SGCD: variants seen among roughly 807,000 people sequenced by gnomAD.
The protein encoded by SGCD is sarcoglycan delta.
Under a neutral mutation model 36.6 loss-of-function variants are expected in SGCD, and 18 were observed. The observed-to-expected ratio is 0.49, with a 90% CI of 0.34 to 0.73. The LOEUF (loss-of-function observed/expected upper bound fraction) is 0.73, where lower values mean the gene tolerates loss of function less well. SGCD is among the 30% of genes least tolerant of loss of function. SGCD has a pLI of 0.01. For missense variants in SGCD, 387 were observed against 346.7 expected (o/e 1.12, Z -0.92); for synonymous variants, 133 against 130.6 (o/e 1.02, Z -0.12).
intron 1 of SGCD, among the ~76,000 whole-genome samples, chr5:155,940,141 T>C (rs1229221972): frequency 6.6e-6 from 1 of 152,214 alleles, no homozygotes; most frequent in Non-Finnish European, 1.5e-5. Flanking sequence ...CTAGCCAAAA[T>C]GTCTCATCTT....
At chr5:156,532,471 A>G (rs1003103396) in intron 4 of SGCD, among the ~76,000 whole-genome samples, 1 of 151,982 alleles carries the variant, frequency 6.6e-6, no homozygotes, top group Admixed American at 6.6e-5. Flanking sequence ...TTATTTATTT[A>G]TTTATTTGAG....
intron 3 of SGCD, among the ~76,000 whole-genome samples, chr5:156,366,737 C>A (rs1298231014): frequency 6.6e-6 from 1 of 151,992 alleles, no homozygotes; most frequent in African/African-American, 2.4e-5. Flanking sequence ...TCATTGAAAG[C>A]CAGACAAAGT....
intron 1 of SGCD, among the ~76,000 whole-genome samples, chr5:155,931,654 T>G (rs1218997582): frequency 6.6e-6 from 1 of 152,182 alleles, no homozygotes; most frequent in African/African-American, 2.4e-5. Context: ...TTCTTAGCAT[T>G]TTGGAACTGA....
At chr5:156,003,733 C>G (rs1040783064) in intron 1 of SGCD, among the ~76,000 whole-genome samples, 1 of 152,152 alleles carries the variant, frequency 6.6e-6, no homozygotes, top group African/African-American at 2.4e-5. Flanking sequence ...TGAAATGTGA[C>G]TAAGGATAAG....
chr5:156,745,719 CAT>C (rs1241045164), intron 7 of SGCD, among the ~76,000 whole-genome samples: 9 of 151,918 alleles, frequency 5.9e-5, no homozygotes, highest in African/African-American at 1.2e-4. Flanking sequence ...AAAATAAAGA[CAT>C]ATAAAAATAA....
chr5:156,522,495 C>T (rs569678821), intron 4 of SGCD, among the ~76,000 whole-genome samples: 27 of 152,062 alleles, frequency 1.8e-4, no homozygotes, highest in Admixed American at 1.4e-3. Flanking sequence ...GAAAACCAAA[C>T]GTCGCATGTT....
chr5:156,159,137 T>C (rs757596161), intron 3 of SGCD, among the ~76,000 whole-genome samples: 1 of 151,626 alleles, frequency 6.6e-6, no homozygotes, highest in Non-Finnish European at 1.5e-5. Context: ...AATATCTGTC[T>C]TGGCTATTTT....
At chr5:156,533,797 T>C (rs1257838142) in intron 4 of SGCD, among the ~76,000 whole-genome samples, 1 of 152,202 alleles carries the variant, frequency 6.6e-6, no homozygotes, top group African/African-American at 2.4e-5. Context: ...TATATTCAAT[T>C]TGCCTTATAA....
chr5:156,725,207 G>A (rs184618105), intron 7 of SGCD, among the ~76,000 whole-genome samples: 251 of 152,300 alleles, frequency 1.6e-3, no homozygotes, highest in Non-Finnish European at 1.8e-3. Flanking sequence ...CCAAGGAGTT[G>A]TCTAGAATGA....
chr5:156,215,338 T>A lies in SGCD; in HGVS notation c.-44+91319T>A, dbSNP rs868703735. ...AAAGGTAAAAATACACAAATGGGAT[T>A]GCATTAAAATAAAAAGCTCATGCAC... On this transcript the variant is annotated intron_variant, in intron 3 of 9. Coordinates refer to the SGCD transcript ENST00000517913. Among the ~76,000 whole-genome samples, 6 of 152,180 alleles carry A rather than the reference T, an allele frequency of 3.9e-5. No individual in the cohort carries two copies. The Middle Eastern group carries it at 0.017, about 431-fold the overall frequency.
chr5:156,232,357 C>T (rs1430303156), intron 3 of SGCD, among the ~76,000 whole-genome samples: 1 of 152,206 alleles, frequency 6.6e-6, no homozygotes. Context: ...ATTTCACCCT[C>T]AGGTAGTTCT....
chr5:156,045,185 C>A (rs1160262101), intron 1 of SGCD, among the ~76,000 whole-genome samples: 1 of 152,122 alleles, frequency 6.6e-6, no homozygotes, highest in Non-Finnish European at 1.5e-5. Flanking sequence ...GCCCTCATGA[C>A]CTAATCACCT....
chr5:156,214,735 A>G (rs1764530484), intron 3 of SGCD, among the ~76,000 whole-genome samples: 1 of 152,154 alleles, frequency 6.6e-6, no homozygotes, highest in Admixed American at 6.5e-5. Context: ...GCATGGTGCT[A>G]GTGTAAAAGC....
intron 1 of SGCD, among the ~76,000 whole-genome samples, chr5:155,990,383 A>T (rs775866139): frequency 1.6e-4 from 24 of 152,206 alleles, no homozygotes; most frequent in Admixed American, 3.9e-4. Flanking sequence ...TTTTATAAAG[A>T]TTTAAAGATA....
chr5:156,248,905 A>G (rs1191076583), intron 3 of SGCD, among the ~76,000 whole-genome samples: 1 of 152,196 alleles, frequency 6.6e-6, no homozygotes, highest in Admixed American at 6.5e-5. Context: ...AGGTGATTCT[A>G]GGCTTCTTGG....
At chr5:156,030,307 G>C (rs777127661) in intron 1 of SGCD, among the ~76,000 whole-genome samples, 11 of 152,164 alleles carry the variant, frequency 7.2e-5, no homozygotes, top group Non-Finnish European at 1.0e-4. Context: ...TCAAGTTAAG[G>C]CGAGGTCATA....
intron 1 of SGCD, among the ~76,000 whole-genome samples, chr5:155,937,512 A>G (rs1321527184): frequency 6.6e-6 from 1 of 152,236 alleles, no homozygotes; most frequent in Non-Finnish European, 1.5e-5. Context: ...GTGGAGGGAG[A>G]AAGGAAGAGA....
At chr5:155,894,064 C>T (rs973886354) in intron 1 of SGCD, among the ~76,000 whole-genome samples, 7 of 152,146 alleles carry the variant, frequency 4.6e-5, no homozygotes, top group African/African-American at 1.7e-4. Context: ...GGAAGTTGTT[C>T]TGGGTGAGTT....
At chr5:156,030,943 T>G (rs900712104) in intron 1 of SGCD, among the ~76,000 whole-genome samples, 1 of 152,134 alleles carries the variant, frequency 6.6e-6, no homozygotes, top group East Asian at 1.9e-4. Flanking sequence ...TGAAAAAAAG[T>G]AGTGGAAAAT....
Sources: gnomAD v4.1 joint callset for allele counts (sites outside exome capture counted in the v4.1 genomes callset) on GRCh38, gnomAD v4.1.1 for gene constraint, MANE v1.5 for transcripts, NCBI Gene and HGNC (gene_info 2026-07-23, HGNC 2026-07-21) for gene names.